SCHIP1: variants seen among roughly 807,000 people sequenced by gnomAD.
SCHIP1 encodes schwannomin-interacting protein 1.
SCHIP1 carries 8 observed loss-of-function variants against 29.7 expected under a neutral mutation model. That is an observed-to-expected ratio of 0.27 (90% CI 0.16 to 0.49). The LOEUF is 0.49. Among genes scored for constraint, SCHIP1 ranks in the 20% least tolerant of loss-of-function variants. SCHIP1 has a pLI of 0.99. For synonymous variants in SCHIP1, 76 were observed against 94.9 expected (o/e 0.80, Z 1.16); for missense variants, 193 against 294.6 (o/e 0.66, Z 2.52).
chr3:159,662,229 A>G, the SCHIP1 span, among the ~76,000 whole-genome samples: 1 of 152,186 alleles, frequency 6.6e-6, no homozygotes, highest in Non-Finnish European at 1.5e-5. Context: ...ACAATAGGGG[A>G]ATGACACAGC....
chr3:159,720,757 G>T, the SCHIP1 span, among the ~76,000 whole-genome samples: 1 of 151,936 alleles, frequency 6.6e-6, no homozygotes, highest in Non-Finnish European at 1.5e-5. Context: ...GCTAATTTTT[G>T]TATTTTTAGT....
the SCHIP1 span, among the ~76,000 whole-genome samples, chr3:159,785,844 G>A: frequency 2.0e-5 from 3 of 152,274 alleles, no homozygotes; most frequent in East Asian, 5.8e-4. Flanking sequence ...CATCACTGGG[G>A]CAGCTTATAC....
the SCHIP1 span, among the ~76,000 whole-genome samples, chr3:159,378,677 C>T: frequency 6.6e-6 from 1 of 152,282 alleles, no homozygotes; most frequent in East Asian, 1.9e-4. Context: ...TTAGCTCTCT[C>T]AGGCAGAAAA....
chr3:159,804,177 C>G, the SCHIP1 span, among the ~76,000 whole-genome samples: 1 of 152,160 alleles, frequency 6.6e-6, no homozygotes, highest in African/African-American at 2.4e-5. Flanking sequence ...AGAGGTAAAA[C>G]CCCACAATGA....
chr3:159,675,200 G>A, the SCHIP1 span, among the ~76,000 whole-genome samples: 4 of 152,210 alleles, frequency 2.6e-5, no homozygotes, highest in Non-Finnish European at 5.9e-5. Flanking sequence ...TCCTGTACAA[G>A]TCTGAAAGGC....
At chr3:159,366,726 C>T in the SCHIP1 span, among the ~76,000 whole-genome samples, 1 of 152,194 alleles carries the variant, frequency 6.6e-6, no homozygotes, top group Non-Finnish European at 1.5e-5. Flanking sequence ...AACTCAGCCA[C>T]ATCATCTCCC....
At chr3:159,694,564 GA>G in the SCHIP1 span, among the ~76,000 whole-genome samples, 1 of 144,054 alleles carries the variant, frequency 6.9e-6, no homozygotes, top group South Asian at 2.2e-4. Context: ...AAGAAAGAAA[GA>G]AAGAAAGAAA....
chr3:159,749,357 A>C, the SCHIP1 span, among the ~76,000 whole-genome samples: 1 of 151,854 alleles, frequency 6.6e-6, no homozygotes, highest in Non-Finnish European at 1.5e-5. Context: ...CTCGAAAGAG[A>C]ATTTAAAAAA....
chr3:159,702,153 G>GA, the SCHIP1 span, among the ~76,000 whole-genome samples: 188 of 152,280 alleles, frequency 1.2e-3, no homozygotes, highest in African/African-American at 4.5e-3. Context: ...TTGTGGTAAT[G>GA]AAAGGGAATT....
At chr3:159,584,460 C>T in the SCHIP1 span, among the ~76,000 whole-genome samples, 39 of 152,264 alleles carry the variant, frequency 2.6e-4, no homozygotes, top group African/African-American at 8.7e-4. Context: ...AAGTAAAACA[C>T]ACATACAGCA....
the SCHIP1 span, among the ~76,000 whole-genome samples, chr3:159,593,677 G>C: frequency 0.2 from 31,090 of 152,012 alleles, 8,656 homozygotes; most frequent in African/African-American, 0.63. Flanking sequence ...TGACTCTCCC[G>C]CTGCCACCCA....
the SCHIP1 span, among the ~76,000 whole-genome samples, chr3:159,623,793 A>C: frequency 7.3e-6 from 1 of 136,752 alleles, no homozygotes; most frequent in African/African-American, 3.7e-5. Context: ...GTACCCCATA[A>C]AACCCTAGGA....
chr3:159,658,447 T>C, the SCHIP1 span, among the ~76,000 whole-genome samples: 2 of 152,216 alleles, frequency 1.3e-5, no homozygotes, highest in Non-Finnish European at 2.9e-5. Flanking sequence ...CTTATGCATA[T>C]TAAAGTTCGA....
chr3:159,541,725 T>G, the SCHIP1 span, among the ~76,000 whole-genome samples: 1 of 152,108 alleles, frequency 6.6e-6, no homozygotes, highest in Non-Finnish European at 1.5e-5. Context: ...ATTTTAATGA[T>G]TTTTGGATCA....
the SCHIP1 span, among the ~76,000 whole-genome samples, chr3:159,344,398 G>T: frequency 0.24 from 36,287 of 151,144 alleles, 4,674 homozygotes; most frequent in African/African-American, 0.33. Flanking sequence ...TATGAAAACA[G>T]TGGAGAAACC....
the SCHIP1 span, among the ~76,000 whole-genome samples, chr3:159,450,338 T>G: frequency 1.3e-5 from 2 of 152,320 alleles, no homozygotes; most frequent in Non-Finnish European, 2.9e-5. Flanking sequence ...GTCAACAAAA[T>G]GCCCCTAACT....
the SCHIP1 span, among the ~76,000 whole-genome samples, chr3:159,334,847 C>G: frequency 6.6e-6 from 1 of 151,888 alleles, no homozygotes; most frequent in South Asian, 2.1e-4. Context: ...TATAGACATT[C>G]ATGTACAGGT....
At chr3:159,837,711 A>G (rs1182669691), upstream of SCHIP1, among the ~76,000 whole-genome samples, 3 of 151,008 alleles carry the variant, frequency 2.0e-5, no homozygotes, top group African/African-American at 7.3e-5. Flanking sequence ...GTGAGACTCC[A>G]TCCCCCGCCC....
the SCHIP1 span, among the ~76,000 whole-genome samples, chr3:159,455,743 A>G: frequency 6.6e-6 from 1 of 152,220 alleles, no homozygotes; most frequent in East Asian, 1.9e-4. Flanking sequence ...TGCCTCAAGT[A>G]AAAGAAATGC....
Sources: gnomAD v4.1 joint callset for allele counts (sites outside exome capture counted in the v4.1 genomes callset) on GRCh38, gnomAD v4.1.1 for gene constraint, MANE v1.5 for transcripts, NCBI Gene and HGNC (gene_info 2026-07-23, HGNC 2026-07-21) for gene names.